Variants in MDM4 observed in about 807,000 individuals in gnomAD.
The protein encoded by MDM4 is MDM4 regulator of p53.
Under a neutral mutation model 60.2 loss-of-function variants are expected in MDM4, and 2 were observed. That is an observed-to-expected ratio of 0.03 (90% CI 0.01 to 0.10). The LOEUF is 0.10. Ranked by LOEUF, MDM4 falls within the 10% of genes least tolerant of loss-of-function variation. The probability of loss-of-function intolerance (pLI) is 1.00; values close to 1 mark genes in which losing one functional copy is unlikely to be tolerated. For missense variants in MDM4, 447 were observed against 577.5 expected, an observed-to-expected ratio of 0.77 and a Z score of 2.32; for synonymous variants, 202 against 198.1, an observed-to-expected ratio of 1.02 and a Z score of -0.17.
intron 5 of MDM4, chr1:204,532,899 T>G: frequency 1.3e-6 from 2 of 1,531,562 alleles, no homozygotes; most frequent in Non-Finnish European, 1.8e-6. Context: ...TAAATTCAAG[T>G]TTAAATTTTT....
chr1:204,525,610 G>T lies in MDM4; in HGVS notation c.78+14G>T, dbSNP rs4252676. 3 of 1,515,696 alleles carry T rather than the reference G, an allele frequency of 2.0e-6. No homozygotes were observed. The highest frequency in any genetic ancestry group is 2.4e-5 in the South Asian group (2 of 82,466). 93.9% of individuals were successfully genotyped at this position (1,515,696 alleles called of 1,614,324 possible). On this transcript the variant is annotated intron_variant, in intron 2 of 10. Transcript: ENST00000367182. ...CAAATCAATCAGGTAAATCATTTTC[G>T]GTATTTCTAGTTTTTTGGTTTTTTT...
At chr1:204,529,843 C>T (rs1208275455) in intron 3 of MDM4, among the ~76,000 whole-genome samples, 1 of 152,190 alleles carries the variant, frequency 6.6e-6, no homozygotes, top group Non-Finnish European at 1.5e-5. Flanking sequence ...TGAACCTTGA[C>T]TCTATCTATT....
intron 8 of MDM4, 112 bp downstream of exon 8, chr1:204,543,056 C>A: frequency 1.1e-6 from 1 of 908,826 alleles, no homozygotes; most frequent in Non-Finnish European, 1.7e-6. Flanking sequence ...ACTCCTATGG[C>A]GTTAAATACC....
chr1:204,549,013 A>C, intron 10 of MDM4, 100 bp from the exon 11 acceptor site: 1 of 744,960 alleles, frequency 1.3e-6, no homozygotes, highest in African/African-American at 1.8e-5. Flanking sequence ...CTGGTGTGGA[A>C]TAGCTTAGTG....
chr1:204,535,422 A>G (rs1002661010), intron 5 of MDM4, among the ~76,000 whole-genome samples: 13 of 151,944 alleles, frequency 8.6e-5, no homozygotes, highest in Non-Finnish European at 1.0e-4. Flanking sequence ...CTCCTAAAGT[A>G]CTGGGATTAC....
intron 5 of MDM4, among the ~76,000 whole-genome samples, chr1:204,536,030 G>A (rs1303451911): frequency 1.3e-5 from 2 of 151,932 alleles, no homozygotes; most frequent in African/African-American, 4.8e-5. Context: ...GGGAGGCCGA[G>A]GCGGGTGGAT....
At chr1:204,535,223 T>TCTCA (rs1302850203) in intron 5 of MDM4, among the ~76,000 whole-genome samples, 1 of 151,200 alleles carries the variant, frequency 6.6e-6, no homozygotes, top group Non-Finnish European at 1.5e-5. Flanking sequence ...AGTGGCATGA[T>TCTCA]TTTGGCTCAC....
At position 204,551,068 on chromosome 1, in the gene MDM4, G is replaced by C. The variant is rs1045334620; in HGVS notation, c.*1386G>C. ...TGTTTTGTTTTGTTTTTTGAGACAG[G>C]GTCTTGCTCTGTCGCCCAGGCTGGA... On this transcript the variant is annotated 3_prime_UTR_variant, in exon 11 of 11. Coordinates refer to ENST00000367182, the MANE Select transcript of MDM4 (RefSeq NM_002393.5). The C allele has an allele frequency of 1.6e-5, 3 of 187,816 alleles. No homozygotes were observed. The Admixed American group carries it at 1.9e-4, about 12-fold the overall frequency. The allele number at this position is 187,816 out of a possible 1,614,324, so 11.6% of individuals were successfully genotyped here. A position where few individuals can be genotyped will look rare whatever the true frequency, so the allele number is the denominator to read the frequency against.
chr1:204,546,164 C>A (rs953655197), intron 9 of MDM4, among the ~76,000 whole-genome samples: 3 of 152,072 alleles, frequency 2.0e-5, no homozygotes, highest in African/African-American at 7.2e-5. Context: ...GCACGTTTAA[C>A]AATTTGGAGC....
chr1:204,538,460 T>C lies in MDM4; in HGVS notation c.511+152T>C, dbSNP rs1661643753. The C allele has an allele frequency of 6.7e-6, 4 of 597,736 alleles. No homozygotes were observed. The South Asian group carries it at 8.1e-5, about 12-fold the overall frequency. The allele number at this position is 597,736 out of a possible 1,614,324, so 37.0% of individuals were successfully genotyped here. On this transcript the variant is annotated intron_variant, in intron 7 of 10. Transcript: ENST00000367182. ...TTTTTATCAGCCTAGTTACTACCATTGTTAGCTTTGAAGAGGTAGTGCTAT... is the reference window on the plus strand; with the variant it reads ...TTTTTATCAGCCTAGTTACTACCATCGTTAGCTTTGAAGAGGTAGTGCTAT...
intron 7 of MDM4, among the ~76,000 whole-genome samples, chr1:204,541,974 C>T (rs1662134859): frequency 6.6e-6 from 1 of 152,030 alleles, no homozygotes; most frequent in African/African-American, 2.4e-5. Flanking sequence ...CAGTAGAGCC[C>T]AACAAAAGAC....
At chr1:204,542,728 G>C in intron 7 of MDM4, 56 bp from the exon 8 acceptor site, 1 of 1,307,590 alleles carries the variant, frequency 7.6e-7, no homozygotes, top group Non-Finnish European at 1.1e-6. Context: ...TCTAAAGATA[G>C]TCTTAGTTAT....
Position 204,554,267 on chromosome 1 carries a change from A to G in MDM4, c.*4585A>G, listed in dbSNP as rs1663410123. On this transcript the variant is annotated 3_prime_UTR_variant, in exon 11 of 11. Coordinates refer to ENST00000367182, the MANE Select transcript of MDM4 (RefSeq NM_002393.5). Reference sequence around the variant, plus strand: ...GATATTTGAGTTTTTTCCCCTCAGAATTATGTGAATTTCTGATATATGGCT... The same window carrying G: ...GATATTTGAGTTTTTTCCCCTCAGAGTTATGTGAATTTCTGATATATGGCT... The G allele has an allele frequency of 4.4e-6, 1 of 225,134 alleles. No homozygotes were observed. Among genetic ancestry groups the G allele is most frequent in the Non-Finnish European group, 8.8e-6 (1 of 113,076 alleles). The allele number at this position is 225,134 out of a possible 1,614,324, so 13.9% of individuals were successfully genotyped here.
chr1:204,527,762 AG>A (rs1660364755), intron 3 of MDM4, among the ~76,000 whole-genome samples: 1 of 152,056 alleles, frequency 6.6e-6, no homozygotes, highest in East Asian at 1.9e-4. Flanking sequence ...GTATTCTTTA[AG>A]TGGAAAAGAC....
rs142975402 is a variant in MDM4 at position 204,551,096 on chromosome 1, G to A, written c.*1414G>A. The A allele has an allele frequency of 1.8e-3, 345 of 189,862 alleles. 2 individuals are homozygous for A. The highest frequency in any genetic ancestry group is 7.4e-3 in the African/African-American group (318 of 42,970). 11.8% of individuals were successfully genotyped at this position (189,862 alleles called of 1,614,324 possible). On this transcript the variant is annotated 3_prime_UTR_variant, in exon 11 of 11. Transcript: ENST00000367182. ...CTTGCTCTGTCGCCCAGGCTGGAGT[G>A]CACTGGCACAATCACAGTTCACTGC...
At chr1:204,523,711 A>G (rs940018171) in intron 1 of MDM4, among the ~76,000 whole-genome samples, 2 of 151,844 alleles carry the variant, frequency 1.3e-5, no homozygotes, top group African/African-American at 4.8e-5. Flanking sequence ...TGTTAGAAAT[A>G]AATTTTCGAA....
Position 204,530,746 on chromosome 1 carries a change from T to C in MDM4, c.216T>C (p.His72=). 6.2e-7 allele frequency: 1 copy of C among 1,614,200 alleles called. No individual in the cohort carries two copies. Among genetic ancestry groups the C allele is most frequent in the Non-Finnish European group, 8.5e-7 (1 of 1,180,024 alleles). The change falls in exon 4 of 11, where the codon CAT becomes CAC. Residue 72 remains histidine, a synonymous_variant. Coordinates refer to ENST00000367182, the MANE Select transcript of MDM4 (RefSeq NM_002393.5). The part of the protein sequence containing the change: ...VKQLYDQQEQ[H]MVYCGGDLLG... Reference sequence around the variant, plus strand: ...AACTTTATGATCAGCAGGAGCAGCATATGGTATATTGTGGTGGAGATCTTT... The same window carrying C: ...AACTTTATGATCAGCAGGAGCAGCACATGGTATATTGTGGTGGAGATCTTT...
chr1:204,548,615 A>G (rs1391010365), intron 10 of MDM4, among the ~76,000 whole-genome samples: 2 of 152,248 alleles, frequency 1.3e-5, no homozygotes, highest in Non-Finnish European at 2.9e-5. Flanking sequence ...AGTTACACCT[A>G]TAATTCTGGG....
chr1:204,517,806 A>G (rs1659143919), intron 1 of MDM4, among the ~76,000 whole-genome samples: 1 of 152,070 alleles, frequency 6.6e-6, no homozygotes, highest in Non-Finnish European at 1.5e-5. Flanking sequence ...TCTTGGTGTT[A>G]AGTATTACTG....
Sources: allele counts gnomAD v4.1 joint callset (sites outside exome capture counted in the v4.1 genomes callset), GRCh38; gene constraint gnomAD v4.1.1; transcripts MANE v1.5; gene names NCBI Gene and HGNC (gene_info 2026-07-23, HGNC 2026-07-21).